PPT1: variants seen among roughly 807,000 people sequenced by gnomAD.
The protein encoded by PPT1 is palmitoyl-protein thioesterase 1, also known as ceroid-palmitoyl-palmitoyl-protein thioesterase 1.
Under a neutral mutation model 44.0 loss-of-function variants are expected in PPT1, and 24 were observed. The ratio of observed to expected loss-of-function variants is 0.54; its 90% confidence interval spans 0.39 to 0.77. The LOEUF (loss-of-function observed/expected upper bound fraction) is 0.77. Among genes scored for constraint, PPT1 ranks in the 30% least tolerant of loss-of-function variants. PPT1 has a pLI of 0.00. For missense variants in PPT1, 341 were observed against 378.8 expected, an observed-to-expected ratio of 0.90 and a Z score of 0.83; for synonymous variants, 148 against 140.2, an observed-to-expected ratio of 1.06 and a Z score of -0.39.
At chr1:40,090,903 C>A (rs1649530024) in intron 4 of PPT1, among the ~76,000 whole-genome samples, 1 of 152,210 alleles carries the variant, frequency 6.6e-6, no homozygotes, top group African/African-American at 2.4e-5. Context: ...GTATGGAATT[C>A]CGTCAAAATA....
chr1:40,081,367 C>A (rs952622361), intron 5 of PPT1, among the ~76,000 whole-genome samples: 1 of 151,964 alleles, frequency 6.6e-6, no homozygotes, highest in South Asian at 2.1e-4. Flanking sequence ...GAAACCCCGT[C>A]TCTACTAAAA....
At chr1:40,076,501 A>C (rs988151802) in intron 8 of PPT1, 2 of 688,234 alleles carry the variant, frequency 2.9e-6, no homozygotes, top group Non-Finnish European at 3.6e-6. Flanking sequence ...TCATGCATGG[A>C]GGCTTCCTGG....
At chr1:40,092,656 G>T in intron 1 of PPT1, 149 bp from the exon 2 acceptor site, 1 of 697,478 alleles carries the variant, frequency 1.4e-6, no homozygotes, top group Non-Finnish European at 2.6e-6. Context: ...TCTGATAAGG[G>T]CTTAATATCC....
At chr1:40,088,781 A>T (rs78294320) in intron 5 of PPT1, among the ~76,000 whole-genome samples, 96 of 152,332 alleles carry the variant, frequency 6.3e-4, no homozygotes, top group African/African-American at 2.2e-3. Flanking sequence ...TGACATAAAG[A>T]ATCTGTCCTC....
At position 40,073,368 on chromosome 1, in the gene PPT1, A is replaced by G. The variant is rs1648375236; in HGVS notation, c.*693T>C. 2.0e-5 allele frequency: 3 copies of G among 152,354 alleles called. No homozygotes were observed. The highest frequency in any genetic ancestry group is 4.4e-5 in the Non-Finnish European group (3 of 68,182). 9.4% of individuals were successfully genotyped at this position (152,354 alleles called of 1,614,324 possible). A position where few individuals can be genotyped will look rare whatever the true frequency, so the allele number is the denominator to read the frequency against. ...CGCGCCTACATTTTCTTCGCTCCCTAAGTTATACAAGATGTACATTTCCTC... is the reference window on the plus strand; with the variant it reads ...CGCGCCTACATTTTCTTCGCTCCCTGAGTTATACAAGATGTACATTTCCTC... On this transcript the variant is annotated 3_prime_UTR_variant, in exon 9 of 9. Transcript: ENST00000642050.
At chr1:40,089,643 A>G in intron 4 of PPT1, 131 bp from the exon 5 acceptor site, 1 of 734,684 alleles carries the variant, frequency 1.4e-6, no homozygotes, top group Non-Finnish European at 2.4e-6. Context: ...CCTCATGAAA[A>G]TAAAGCGCAG....
chr1:40,093,566 G>A (rs1181382672), intron 1 of PPT1, among the ~76,000 whole-genome samples: 1 of 152,146 alleles, frequency 6.6e-6, no homozygotes, highest in Non-Finnish European at 1.5e-5. Flanking sequence ...CTTAGCTCCT[G>A]TTTATCAAGT....
Position 40,073,985 on chromosome 1 carries a change from G to C in PPT1, c.*76C>G, listed in dbSNP as rs1648421139. 1.9e-6 allele frequency: 3 copies of C among 1,584,350 alleles called. No individual in the cohort carries two copies. In the East Asian group the frequency reaches 6.7e-5, roughly 35 times the overall value. ...AAGCTGGATCTGAGCTCAGGCTTGG[G>C]CATGAAGGAAACTGTCTCCCATGTG... is the stretch of plus-strand genomic sequence containing the variant. On this transcript the variant is annotated 3_prime_UTR_variant, in exon 9 of 9. Coordinates refer to ENST00000642050, the MANE Select transcript of PPT1 (RefSeq NM_000310.4).
chr1:40,084,205 G>A (rs966192341), intron 5 of PPT1, among the ~76,000 whole-genome samples: 1 of 152,170 alleles, frequency 6.6e-6, no homozygotes, highest in Non-Finnish European at 1.5e-5. Flanking sequence ...GAAATAGCAG[G>A]AGAACTAGAA....
Position 40,097,190 on chromosome 1 carries a change from A to T in PPT1, c.49T>A (p.Trp17Arg). 1 of 1,614,050 alleles carries T rather than the reference A, an allele frequency of 6.2e-7. No individual in the cohort carries two copies. Among genetic ancestry groups the T allele is most frequent in the Non-Finnish European group, 8.5e-7 (1 of 1,179,964 alleles). ...LWLLAVALLP[W>R]TCASRALQHL... ...TGCAGCGCCCGAGAAGCGCAGGTCC[A>T]TGGCAGGAGAGCCACAGCCAAGAGC... The change falls in exon 1 of 9, where the codon TGG (tryptophan) becomes AGG (arginine). Residue 17 changes from tryptophan (W) to arginine (R), a missense_variant. By Grantham distance (101) the Trp-to-Arg change is moderately radical (BLOSUM62 -3). Coordinates refer to ENST00000642050, the MANE Select transcript of PPT1 (RefSeq NM_000310.4).
chr1:40,091,646 C>G (rs1398338151), intron 3 of PPT1, among the ~76,000 whole-genome samples: 3 of 152,026 alleles, frequency 2.0e-5, no homozygotes, highest in Non-Finnish European at 4.4e-5. Context: ...GGTGGACTAC[C>G]TGAGGTCAGG....
intron 7 of PPT1, 143 bp from the exon 8 acceptor site, chr1:40,077,056 G>A (rs1235249657): frequency 2.7e-5 from 27 of 992,522 alleles, no homozygotes; most frequent in African/African-American, 1.1e-4. Context: ...GATAGGGTGC[G>A]TCTGAGTCAT....
rs386833657 is a variant in PPT1 at position 40,080,464 on chromosome 1, T to C, written c.560A>G (p.His187Arg). The C allele has an allele frequency of 3.7e-6, 6 of 1,613,948 alleles. No homozygotes were observed. Among genetic ancestry groups the C allele is most frequent in the Non-Finnish European group, 5.1e-6 (6 of 1,179,970 alleles). The change falls in exon 6 of 9, where the codon CAT (histidine) becomes CGT (arginine). Residue 187 changes from histidine (H) to arginine (R), a missense_variant. Physicochemically the swap from His to Arg is conservative, Grantham distance 29. Coordinates refer to ENST00000642050, the MANE Select transcript of PPT1 (RefSeq NM_000310.4). Reference sequence around the variant, plus strand: ...ATACACATCCTCCTTTATGGGGTCATGCCAGTATTCGGCTTGCACGAGGCT... The same window carrying C: ...ATACACATCCTCCTTTATGGGGTCACGCCAGTATTCGGCTTGCACGAGGCT... Reference protein sequence around the residue: ...QERLVQAEYWHDPIKEDVYRN... With the variant: ...QERLVQAEYWRDPIKEDVYRN...
At chr1:40,090,334 G>A (rs567598252) in intron 4 of PPT1, among the ~76,000 whole-genome samples, 5 of 150,590 alleles carry the variant, frequency 3.3e-5, no homozygotes, top group East Asian at 2.0e-4. Context: ...CCATTTTATC[G>A]TGTATATATA....
At chr1:40,085,594 C>A (rs1405582136) in intron 5 of PPT1, among the ~76,000 whole-genome samples, 1 of 152,164 alleles carries the variant, frequency 6.6e-6, no homozygotes, top group African/African-American at 2.4e-5. Flanking sequence ...CAACCACCAC[C>A]CTGATCAGTC....
intron 8 of PPT1, 100 bp downstream of exon 8, chr1:40,076,742 G>A (rs1386409169): frequency 6.2e-7 from 1 of 1,603,174 alleles, no homozygotes; most frequent in African/African-American, 1.3e-5. Flanking sequence ...AGTGCTCTGA[G>A]GTGTAAAGGA....
intron 5 of PPT1, among the ~76,000 whole-genome samples, chr1:40,087,576 C>T (rs933480155): frequency 7.2e-5 from 11 of 152,056 alleles, no homozygotes; most frequent in African/African-American, 2.2e-4. Context: ...TGTCACCCCC[C>T]GACGGACTGC....
At chr1:40,093,513 T>G (rs1029986209) in intron 1 of PPT1, among the ~76,000 whole-genome samples, 2 of 152,210 alleles carry the variant, frequency 1.3e-5, no homozygotes, top group African/African-American at 4.8e-5. Flanking sequence ...TTTACATGAA[T>G]TTTTACCTCA....
intron 5 of PPT1, among the ~76,000 whole-genome samples, chr1:40,086,074 G>A (rs980766347): frequency 9.9e-5 from 15 of 152,164 alleles, no homozygotes; most frequent in African/African-American, 3.6e-4. Flanking sequence ...AACTGGGAGC[G>A]GGGCCCAGAG....
Sources: allele counts gnomAD v4.1 joint callset (sites outside exome capture counted in the v4.1 genomes callset), GRCh38; gene constraint gnomAD v4.1.1; transcripts MANE v1.5; gene names NCBI Gene and HGNC (gene_info 2026-07-23, HGNC 2026-07-21).